ACOT7: variants seen among roughly 807,000 people sequenced by gnomAD.
ACOT7 encodes the protein cytosolic acyl coenzyme A thioester hydrolase.
ACOT7 carries 12 observed loss-of-function variants against 40.2 expected under a neutral mutation model. The ratio of observed to expected loss-of-function variants is 0.30; its 90% CI spans 0.19 to 0.48. ACOT7 has a LOEUF of 0.48. Ranked by LOEUF, ACOT7 falls within the 20% of genes least tolerant of loss-of-function variation. ACOT7 has a pLI of 0.99. For missense variants in ACOT7, 395 were observed against 530.8 expected, an observed-to-expected ratio of 0.74 and a Z score of 2.51; for synonymous variants, 228 against 219.5, an observed-to-expected ratio of 1.04 and a Z score of -0.34.
At chr1:6,265,081 C>T (rs1638780091) in intron 8 of ACOT7, among the ~76,000 whole-genome samples, 1 of 152,216 alleles carries the variant, frequency 6.6e-6, no homozygotes, top group South Asian at 2.1e-4. Context: ...AAGCCCAGGG[C>T]CTGTTTGCTA....
intron 6 of ACOT7, among the ~76,000 whole-genome samples, chr1:6,314,638 C>T (rs527925827): frequency 2.0e-5 from 3 of 152,138 alleles, no homozygotes; most frequent in South Asian, 2.1e-4. Context: ...TTTTCTGGGC[C>T]GATCCTGAGC....
intron 3 of ACOT7, among the ~76,000 whole-genome samples, chr1:6,337,811 CTA>C (rs1557657237): frequency 6.6e-6 from 1 of 151,946 alleles, no homozygotes; most frequent in East Asian, 1.9e-4. Context: ...CCTGTCTTTA[CTA>C]AAAATACAAA....
intron 8 of ACOT7, among the ~76,000 whole-genome samples, chr1:6,267,540 G>A (rs954994234): frequency 6.6e-6 from 1 of 152,244 alleles, no homozygotes; most frequent in Non-Finnish European, 1.5e-5. Flanking sequence ...GGGAGATGAT[G>A]CCTCTCTGAT....
intron 4 of ACOT7, among the ~76,000 whole-genome samples, chr1:6,329,120 G>A (rs776624699): frequency 6.6e-6 from 1 of 152,256 alleles, no homozygotes; most frequent in Non-Finnish European, 1.5e-5. Context: ...ACTTCAGACG[G>A]CTGTGTTAGG....
chr1:6,335,670 C>T (rs1034890726), intron 3 of ACOT7, among the ~76,000 whole-genome samples: 3 of 152,176 alleles, frequency 2.0e-5, no homozygotes, highest in Non-Finnish European at 4.4e-5. Context: ...CAAGGCAAAG[C>T]GCTTTTCCTC....
chr1:6,358,113 C>T lies in ACOT7; in HGVS notation c.144-8247G>A, dbSNP rs1483609873. On this transcript the variant is annotated intron_variant, in intron 1 of 8. Coordinates refer to ENST00000361521, the MANE Select transcript of ACOT7 (RefSeq NM_007274.4). This position sits in a 1 kb window ranked among gnomAD's most constrained non-coding sequence, Gnocchi z 4.1. ...CAAACTCCTGACCTCAGTTGATCCACCTGCCTCGGCCTCCCAAAGTGCTGA... is the reference window on the plus strand; with the variant it reads ...CAAACTCCTGACCTCAGTTGATCCATCTGCCTCGGCCTCCCAAAGTGCTGA... Among the ~76,000 whole-genome samples the T allele has an allele frequency of 6.6e-6, 1 of 152,098 alleles. No individual in the cohort carries two copies. Among genetic ancestry groups the T allele is most frequent in the Non-Finnish European group, 1.5e-5 (1 of 68,026 alleles).
chr1:6,325,376 G>A (rs1228698295), intron 5 of ACOT7, among the ~76,000 whole-genome samples: 2 of 150,360 alleles, frequency 1.3e-5, no homozygotes, highest in African/African-American at 2.5e-5. Flanking sequence ...CCAGCCAGGA[G>A]GATAGAGCGA....
intron 1 of ACOT7, among the ~76,000 whole-genome samples, chr1:6,361,791 C>T (rs368461689): frequency 5.3e-5 from 8 of 152,050 alleles, no homozygotes; most frequent in African/African-American, 1.4e-4. Flanking sequence ...GGCAACAGAG[C>T]GGGACTCTGT....
chr1:6,385,920 T>C, intron 1 of ACOT7: 9 of 1,072,942 alleles, frequency 8.4e-6, no homozygotes, highest in Non-Finnish European at 1.1e-5. Flanking sequence ...TGACTCGGCC[T>C]GAACTCACAG....
intron 1 of ACOT7, among the ~76,000 whole-genome samples, chr1:6,379,813 C>T (rs531984241): frequency 6.6e-6 from 1 of 151,352 alleles, no homozygotes; most frequent in East Asian, 1.9e-4. Flanking sequence ...ATAATCCCAG[C>T]AATTTGAGAG....
At chr1:6,356,456 C>A (rs1029740706) in intron 1 of ACOT7, among the ~76,000 whole-genome samples, 5 of 152,172 alleles carry the variant, frequency 3.3e-5, no homozygotes, top group Admixed American at 2.0e-4. Context: ...CCGCTCAGCA[C>A]CCTCAGCCCA....
At chr1:6,378,066 C>G (rs1642268001) in intron 1 of ACOT7, among the ~76,000 whole-genome samples, 1 of 146,212 alleles carries the variant, frequency 6.8e-6, no homozygotes, top group Non-Finnish European at 1.5e-5. Flanking sequence ...CAAGACTCGT[C>G]AAAACAAACA....
chr1:6,352,031 C>G lies in ACOT7; in HGVS notation c.144-2165G>C, dbSNP rs1298705826. On this transcript the variant is annotated intron_variant, in intron 1 of 8. Transcript: ENST00000361521. The surrounding 1 kb of genome is among the most constrained non-coding windows in gnomAD (Gnocchi z 4.5). Reference sequence around the variant, plus strand: ...TGCAGACCGCACGCCAGCTGGCTACCACGGGCCTGGCCGCCTTTCTTCGGC... The same window carrying G: ...TGCAGACCGCACGCCAGCTGGCTACGACGGGCCTGGCCGCCTTTCTTCGGC... 6.6e-6 allele frequency among the ~76,000 whole-genome samples: 1 copy of G among 152,164 alleles called. No individual in the cohort carries two copies. Among genetic ancestry groups the G allele is most frequent in the Non-Finnish European group, 1.5e-5 (1 of 68,036 alleles).
At position 6,355,341 on chromosome 1, in the gene ACOT7, G is replaced by C. The variant is rs768751048; in HGVS notation, c.144-5475C>G. 2.6e-5 allele frequency among the ~76,000 whole-genome samples: 4 copies of C among 152,214 alleles called. No individual in the cohort carries two copies. The highest frequency in any genetic ancestry group is 5.9e-5 in the Non-Finnish European group (4 of 68,042). On this transcript the variant is annotated intron_variant, in intron 1 of 8. Transcript: ENST00000361521. This position sits in a 1 kb window ranked among gnomAD's most constrained non-coding sequence, Gnocchi z 5.0. ...CACACGGTTAAACGAAGCACTGCAA[G>C]GGTACTCACTGCACAGCCGTGTATA...
chr1:6,391,292 G>A (rs1642528388), intron 1 of ACOT7, among the ~76,000 whole-genome samples: 1 of 151,878 alleles, frequency 6.6e-6, no homozygotes, highest in African/African-American at 2.4e-5. Context: ...GATCACCTGA[G>A]GTCAGGAGTT....
chr1:6,284,299 G>A (rs549390287), intron 7 of ACOT7, among the ~76,000 whole-genome samples: 69 of 152,274 alleles, frequency 4.5e-4, no homozygotes, highest in Non-Finnish European at 7.6e-4. Flanking sequence ...GCTACAGACC[G>A]GGCGCAGTGG....
chr1:6,365,140 T>C (rs1641975559), intron 1 of ACOT7, among the ~76,000 whole-genome samples: 1 of 152,228 alleles, frequency 6.6e-6, no homozygotes, highest in Admixed American at 6.5e-5. Flanking sequence ...AGTCCATGTT[T>C]ATAAACTTGG....
At chr1:6,329,619 C>T (rs1390287079) in intron 4 of ACOT7, among the ~76,000 whole-genome samples, 1 of 151,962 alleles carries the variant, frequency 6.6e-6, no homozygotes, top group Non-Finnish European at 1.5e-5. Context: ...TGAGGAGAAG[C>T]CCAGCCTCCT....
intron 1 of ACOT7, among the ~76,000 whole-genome samples, chr1:6,375,864 G>A (rs1354776444): frequency 5.9e-5 from 9 of 151,976 alleles, no homozygotes; most frequent in African/African-American, 2.2e-4. Context: ...CATGAACCCG[G>A]GAGGTGGAGC....
Sources: allele counts gnomAD v4.1 joint callset (sites outside exome capture counted in the v4.1 genomes callset), GRCh38; gene constraint gnomAD v4.1.1; non-coding constraint Gnocchi (gnomAD v3.1); transcripts MANE v1.5; gene names NCBI Gene and HGNC (gene_info 2026-07-23, HGNC 2026-07-21).